CAPN14: variants seen among roughly 807,000 people sequenced by gnomAD.
The protein encoded by CAPN14 is calpain-14.
CAPN14 carries 94 observed loss-of-function variants against 101.3 expected under a neutral mutation model. That is an observed-to-expected ratio of 0.93 (90% CI 0.79 to 1.10). The LOEUF (loss-of-function observed/expected upper bound fraction) is 1.10. CAPN14 is among the 50% of genes least tolerant of loss of function. The pLI is 0.00. For synonymous variants in CAPN14, 338 were observed against 317.9 expected, an observed-to-expected ratio of 1.06 and a Z score of -0.67; for missense variants, 837 against 828.4, an observed-to-expected ratio of 1.01 and a Z score of -0.13.
intron 2 of CAPN14, among the ~76,000 whole-genome samples, chr2:31,224,894 T>C (rs550225523): frequency 1.6e-4 from 25 of 152,216 alleles, no homozygotes; most frequent in African/African-American, 5.5e-4. Flanking sequence ...GACAGTCATG[T>C]CATATTCCTG....
intron 1 of CAPN14, among the ~76,000 whole-genome samples, chr2:31,211,866 T>TA (rs921822524): frequency 6.6e-6 from 1 of 151,228 alleles, no homozygotes; most frequent in African/African-American, 2.4e-5. Flanking sequence ...ATACAATATT[T>TA]AAAAAAAAGC....
At chr2:31,178,850 G>C (rs891048987) in intron 17 of CAPN14, among the ~76,000 whole-genome samples, 6 of 152,028 alleles carry the variant, frequency 3.9e-5, no homozygotes, top group Non-Finnish European at 8.8e-5. Flanking sequence ...ACCACAGCTA[G>C]CATTAAGGGA....
At chr2:31,195,474 T>C (rs1226121582) in intron 8 of CAPN14, among the ~76,000 whole-genome samples, 3 of 152,138 alleles carry the variant, frequency 2.0e-5, no homozygotes, top group Non-Finnish European at 2.9e-5. Context: ...ACAGCTGGGA[T>C]TACAGGCACA....
In CAPN14 at chr2:31,173,861, C is replaced by T. The variant is rs1680166218; in HGVS notation, c.*820G>A. 1 of 152,114 alleles carries T rather than the reference C, an allele frequency of 6.6e-6. No individual in the cohort carries two copies. Among genetic ancestry groups the T allele is most frequent in the Non-Finnish European group, 1.5e-5 (1 of 68,020 alleles). 9.4% of individuals were successfully genotyped at this position (152,114 alleles called of 1,614,324 possible). On this transcript the variant is annotated 3_prime_UTR_variant, in exon 22 of 22. Transcript: ENST00000403897. ...TCAAAAAATCAGATATACCAACCAC[C>T]CACTGATTGACTCTATAATTTAGCA...
At position 31,205,245 on chromosome 2, in the gene CAPN14, C is replaced by T. The variant is rs780854483; in HGVS notation, c.203G>A (p.Arg68His). ...CACCGGGGGCCTCTTCCACTGCAGG[C>T]GGGGTGGCAGCTTCTGCAGCAGGGA... Reference protein sequence around the residue: ...SGSLLQKLPPRLQWKRPPELH... With the variant: ...SGSLLQKLPPHLQWKRPPELH... The change falls in exon 2 of 22, where the codon CGC becomes CAC. Residue 68 changes from arginine to histidine, a missense_variant. Physicochemically the swap from Arg to His is conservative, Grantham distance 29. Coordinates refer to ENST00000403897, the MANE Select transcript of CAPN14 (RefSeq NM_001145122.2). 42 of 1,549,528 alleles carry T rather than the reference C, an allele frequency of 2.7e-5. No homozygotes were observed. The highest frequency in any genetic ancestry group is 4.9e-5 in the East Asian group (2 of 40,926).
intron 18 of CAPN14, among the ~76,000 whole-genome samples, 174 bp downstream of exon 18, chr2:31,178,337 G>C (rs962415170): frequency 1.3e-5 from 2 of 152,174 alleles, no homozygotes; most frequent in Non-Finnish European, 2.9e-5. Context: ...ACTGCAACCA[G>C]CTCTCTGAGT....
rs2148682805 is a variant in CAPN14 at position 31,193,147 on chromosome 2, C to G, written c.1098G>C (p.Gln366His). The G allele has an allele frequency of 1.9e-6, 3 of 1,550,642 alleles. No homozygotes were observed. Among genetic ancestry groups the G allele is most frequent in the East Asian group, 4.9e-5 (2 of 40,914 alleles). Residue 366 changes from glutamine (Q) to histidine (H), a missense_variant, in exon 10 of 22, where the codon CAG becomes CAC. Coordinates refer to ENST00000403897, the MANE Select transcript of CAPN14 (RefSeq NM_001145122.2). ...RWEKRSTAGG[Q>H]RQLLQDTFWK... is the part of the protein sequence containing the mutation. ...CATGCTCACCCTGCAGCAACTGCCT[C>G]TGGCCACCAGCTGTGCTCCGCTTCT...
intron 12 of CAPN14, among the ~76,000 whole-genome samples, chr2:31,191,107 G>A (rs1239188084): frequency 6.6e-6 from 1 of 152,018 alleles, no homozygotes; most frequent in East Asian, 1.9e-4. Context: ...TATTAGCCCT[G>A]GGTATTTGTG....
intron 1 of CAPN14, among the ~76,000 whole-genome samples, chr2:31,206,479 C>G (rs957045621): frequency 1.3e-5 from 2 of 152,212 alleles, no homozygotes; most frequent in African/African-American, 4.8e-5. Context: ...TCTCGAACTC[C>G]TGACCTCAAG....
chr2:31,231,352 C>T lies in CAPN14; in HGVS notation c.-177+2439G>A, dbSNP rs149964045. ...ATTCACATGTTTGTGACAAGGAATC[C>T]TTCCACAATGGAACATGGCATGTCT... On this transcript the variant is annotated intron_variant and NMD_transcript_variant, in intron 1 of 21. Coordinates refer to the CAPN14 transcript ENST00000398824. Among the ~76,000 whole-genome samples, 562 of 152,298 alleles carry T rather than the reference C, an allele frequency of 3.7e-3. 3 individuals carry two copies. The highest frequency in any genetic ancestry group is 0.011 in the African/African-American group (437 of 41,568).
chr2:31,215,390 A>G (rs1029579445), intron 1 of CAPN14, among the ~76,000 whole-genome samples: 12 of 151,976 alleles, frequency 7.9e-5, no homozygotes, highest in Admixed American at 5.9e-4. Context: ...AGGACTGGCC[A>G]TTTCACGTCA....
chr2:31,199,614 A>T (rs1336047902), intron 6 of CAPN14, 82 bp from the exon 7 acceptor site: 1 of 1,161,094 alleles, frequency 8.6e-7, no homozygotes, highest in East Asian at 2.6e-5. Context: ...GTTTGGCTGG[A>T]GCAGGGGTTT....
rs182599664 is a variant in CAPN14, at chr2:31,223,636, C to T, written c.-53+2892G>A. On this transcript the variant is annotated intron_variant and NMD_transcript_variant, in intron 2 of 21. Transcript: ENST00000398824. ...CTCCGCCTCCTAGGTTCAAGCAATT[C>T]TCCTGCTTCAGCCTCCCAAGTAGCT... 2.4e-3 allele frequency among the ~76,000 whole-genome samples: 352 copies of T among 148,570 alleles called. 4 individuals are homozygous for T. Among genetic ancestry groups the T allele is most frequent in the African/African-American group, 8.7e-3 (345 of 39,766 alleles).
intron 21 of CAPN14, among the ~76,000 whole-genome samples, chr2:31,175,134 A>T (rs10191746): frequency 4.6e-5 from 7 of 152,168 alleles, no homozygotes; most frequent in African/African-American, 1.7e-4. Context: ...ACCTCTGGGG[A>T]AACCACTCCC....
intron 16 of CAPN14, among the ~76,000 whole-genome samples, chr2:31,184,554 AGT>A (rs1395633897): frequency 6.6e-6 from 1 of 152,210 alleles, no homozygotes; most frequent in Non-Finnish European, 1.5e-5. Context: ...TATCATTTCC[AGT>A]TTTCAGTCAA....
At chr2:31,206,756 G>A (rs1296715171) in intron 1 of CAPN14, among the ~76,000 whole-genome samples, 1 of 152,164 alleles carries the variant, frequency 6.6e-6, no homozygotes, top group Non-Finnish European at 1.5e-5. Flanking sequence ...TGCAGGACAG[G>A]TTGGCTACAC....
intron 6 of CAPN14, 86 bp from the exon 7 acceptor site, chr2:31,199,618 G>C: frequency 9.3e-7 from 1 of 1,074,118 alleles, no homozygotes; most frequent in Non-Finnish European, 1.4e-6. Context: ...GGCTGGAGCA[G>C]GGGTTTATGG....
At chr2:31,226,518 C>A (rs1001643803) in intron 2 of CAPN14, 5 of 152,224 alleles carry the variant, frequency 3.3e-5, no homozygotes, top group African/African-American at 1.2e-4. Flanking sequence ...GACATGTAAA[C>A]AACACTTACA....
Position 31,230,998 on chromosome 2 carries a change from C to T in CAPN14, c.-177+2793G>A, listed in dbSNP as rs529022120. Reference sequence around the variant, plus strand: ...TGTTGTTATTCTGTTGGTCTCTGTGCCAAAACCATATTAACCACTGTAACT... The same window carrying T: ...TGTTGTTATTCTGTTGGTCTCTGTGTCAAAACCATATTAACCACTGTAACT... On this transcript the variant is annotated intron_variant and NMD_transcript_variant, in intron 1 of 21. Coordinates refer to the CAPN14 transcript ENST00000398824. This position sits in a 1 kb window ranked among gnomAD's most constrained non-coding sequence, Gnocchi z 4.3. 4.3e-4 allele frequency among the ~76,000 whole-genome samples: 65 copies of T among 152,250 alleles called. No individual in the cohort carries two copies. The highest frequency in any genetic ancestry group is 8.7e-4 in the Non-Finnish European group (59 of 68,028).
Sources: gnomAD v4.1 joint callset for allele counts (sites outside exome capture counted in the v4.1 genomes callset) on GRCh38, gnomAD v4.1.1 for gene constraint, Gnocchi (gnomAD v3.1) non-coding constraint, MANE v1.5 for transcripts, NCBI Gene and HGNC (gene_info 2026-07-23, HGNC 2026-07-21) for gene names.